Variants in BCAR3 observed in about 807,000 individuals in gnomAD.
BCAR3 encodes the protein breast cancer anti-estrogen resistance protein 3.
BCAR3 carries 37 observed loss-of-function variants against 80.1 expected under a neutral mutation model. The ratio of observed to expected loss-of-function variants is 0.46; its 90% CI spans 0.36 to 0.61. The LOEUF (loss-of-function observed/expected upper bound fraction) is 0.61, where lower values mean the gene tolerates loss of function less well. BCAR3 is among the 20% of genes least tolerant of loss of function. The pLI is 0.00. For synonymous variants in BCAR3, 389 were observed against 418.9 expected (o/e 0.93, Z 0.87); for missense variants, 978 against 1,068.2 (o/e 0.92, Z 1.18).
chr1:93,701,915 G>C (rs1431984208), intron 3 of BCAR3, among the ~76,000 whole-genome samples: 1 of 152,158 alleles, frequency 6.6e-6, no homozygotes. Flanking sequence ...GGTGGGACTG[G>C]GCTGTGCTCC....
At position 93,674,838 on chromosome 1, in the gene BCAR3, C is replaced by CCTG; in HGVS notation, c.90_92dup (p.Ser30dup). The CCTG allele has an allele frequency of 1.9e-6, 3 of 1,603,418 alleles. No individual in the cohort carries two copies. The highest frequency in any genetic ancestry group is 1.7e-6 in the Non-Finnish European group (2 of 1,175,930). On this transcript the variant is annotated inframe_insertion, in exon 2 of 12. Transcript: ENST00000260502. ...CTGGGCGATGCTCAGCGAGAGGGGA[C>CCTG]CTGCTGCTCAGAAGGTCCATGGATG...
At chr1:93,785,875 G>A (rs12126015) in intron 2 of BCAR3, among the ~76,000 whole-genome samples, 14,002 of 150,710 alleles carry the variant, frequency 0.093, 905 homozygotes, top group East Asian at 0.18. Context: ...GAAATTATAC[G>A]ATGTGACTTC....
At chr1:93,806,123 T>C (rs570652393) in intron 2 of BCAR3, among the ~76,000 whole-genome samples, 60 of 152,120 alleles carry the variant, frequency 3.9e-4, no homozygotes, top group African/African-American at 1.4e-3. Flanking sequence ...AAGAGAAAAA[T>C]GTTAAAACAA....
rs116275066 is a variant in BCAR3 at position 93,742,364 on chromosome 1, G to A, written c.-62-36222C>T. ...GTCTTTATAGTCTTAGGAAGAAAGT[G>A]GAAAACTACAGTTCAAAGTTTAAAG... On this transcript the variant is annotated intron_variant, in intron 2 of 13. Coordinates refer to the BCAR3 transcript ENST00000370244. Among the ~76,000 whole-genome samples the A allele has an allele frequency of 3.3e-3, 507 of 152,268 alleles. 4 individuals carry two copies. The highest frequency in any genetic ancestry group is 0.011 in the African/African-American group (477 of 41,542).
chr1:93,752,038 T>C (rs1651573781), intron 2 of BCAR3, among the ~76,000 whole-genome samples: 1 of 152,250 alleles, frequency 6.6e-6, no homozygotes, highest in Non-Finnish European at 1.5e-5. Flanking sequence ...ATTTATTCCC[T>C]GGGCAGTACC....
chr1:93,582,971 AG>A lies in BCAR3; in HGVS notation c.1034-19del, dbSNP rs1248081364. The A allele has an allele frequency of 6.4e-7, 1 of 1,564,460 alleles. No individual in the cohort carries two copies. The highest frequency in any genetic ancestry group is 8.6e-7 in the Non-Finnish European group (1 of 1,160,288). On this transcript the variant is annotated intron_variant, in intron 6 of 11. Coordinates refer to ENST00000260502, the MANE Select transcript of BCAR3 (RefSeq NM_003567.4). ...CTTGCAGCCTGTGGGGGATAAGAAA[AG>A]GTCAGAGAAAGCTCATCTGTGTGGA...
At chr1:93,802,798 A>C (rs1653529030) in intron 2 of BCAR3, among the ~76,000 whole-genome samples, 1 of 152,198 alleles carries the variant, frequency 6.6e-6, no homozygotes, top group Admixed American at 6.5e-5. Context: ...GAATGGAAGC[A>C]ATTTTATCAT....
chr1:93,817,912 C>A (rs1339765521), intron 2 of BCAR3, among the ~76,000 whole-genome samples: 1 of 152,172 alleles, frequency 6.6e-6, no homozygotes, highest in African/African-American at 2.4e-5. Flanking sequence ...ACCTCCTCAG[C>A]CCTCTTGGCT....
At chr1:93,749,545 C>T (rs1651472910) in intron 2 of BCAR3, among the ~76,000 whole-genome samples, 1 of 148,080 alleles carries the variant, frequency 6.8e-6, no homozygotes, top group Admixed American at 6.7e-5. Flanking sequence ...GCTGAGATCG[C>T]ACCACTGCAC....
chr1:93,621,048 C>G (rs911733750), intron 3 of BCAR3, among the ~76,000 whole-genome samples: 2 of 152,216 alleles, frequency 1.3e-5, no homozygotes, highest in African/African-American at 4.8e-5. Context: ...CCTAGGAAGG[C>G]AGGAACCCAG....
chr1:93,724,837 T>C (rs1650526106), intron 2 of BCAR3, among the ~76,000 whole-genome samples: 1 of 152,184 alleles, frequency 6.6e-6, no homozygotes, highest in Non-Finnish European at 1.5e-5. Context: ...CAAGGGTTTC[T>C]CTCCACTTCC....
chr1:93,595,447 C>T (rs1460962291), intron 3 of BCAR3, among the ~76,000 whole-genome samples: 1 of 152,214 alleles, frequency 6.6e-6, no homozygotes, highest in Non-Finnish European at 1.5e-5. Context: ...AGGTTTGCTG[C>T]TGGGAGCCTC....
At chr1:93,737,326 G>GT (rs1651006806) in intron 2 of BCAR3, among the ~76,000 whole-genome samples, 1 of 152,174 alleles carries the variant, frequency 6.6e-6, no homozygotes. Flanking sequence ...GGTGTAATTA[G>GT]TTACGATGAG....
chr1:93,609,150 C>T (rs1474672046), intron 3 of BCAR3, among the ~76,000 whole-genome samples: 1 of 152,164 alleles, frequency 6.6e-6, no homozygotes, highest in Non-Finnish European at 1.5e-5. Flanking sequence ...ACTCCTCAGG[C>T]TGTAATATGG....
intron 2 of BCAR3, among the ~76,000 whole-genome samples, chr1:93,660,308 G>C (rs1263512618): frequency 6.6e-6 from 1 of 152,198 alleles, no homozygotes; most frequent in African/African-American, 2.4e-5. Flanking sequence ...CCAGAGCAGC[G>C]CCTGGCTCCC....
At chr1:93,790,628 G>GAATTCATTCTTTTTTTTTTTTTT (rs1653112324) in intron 2 of BCAR3, among the ~76,000 whole-genome samples, 1 of 79,220 alleles carries the variant, frequency 1.3e-5, no homozygotes, top group Non-Finnish European at 2.4e-5. Context: ...TTTTTTTTTT[G>GAATTCATTCTTTTTTTTTTTTTT]TATTCATTTT....
chr1:93,616,971 A>G (rs1412702791), intron 3 of BCAR3, among the ~76,000 whole-genome samples: 1 of 152,220 alleles, frequency 6.6e-6, no homozygotes, highest in African/African-American at 2.4e-5. Flanking sequence ...GGAAACCTCT[A>G]TTACCTCAGG....
chr1:93,635,771 T>C (rs1307585079), intron 3 of BCAR3, among the ~76,000 whole-genome samples: 3 of 152,250 alleles, frequency 2.0e-5, no homozygotes, highest in Non-Finnish European at 2.9e-5. Flanking sequence ...ATTTGGTTCA[T>C]ATAACTTGTT....
At position 93,674,922 on chromosome 1, in the gene BCAR3, T is replaced by G. The variant is rs920736982; in HGVS notation, c.9A>C (p.Ala3=). Residue 3 remains alanine, a synonymous_variant, in exon 2 of 12, where the codon GCA becomes GCC. Coordinates refer to ENST00000260502, the MANE Select transcript of BCAR3 (RefSeq NM_003567.4). ...TTCTGGGAAGGCTTGCAAATTTTCC[T>G]GCAGCCATAATTCTCAACTCTAAGG... The part of the protein sequence containing the change: MA[A]GKFASLPRNM... 4.5e-6 allele frequency: 7 copies of G among 1,555,020 alleles called. No homozygotes were observed. The highest frequency in any genetic ancestry group is 1.7e-4 in the Middle Eastern group (1 of 5,782).
Sources: allele counts gnomAD v4.1 joint callset (sites outside exome capture counted in the v4.1 genomes callset), GRCh38; gene constraint gnomAD v4.1.1; transcripts MANE v1.5; gene names NCBI Gene and HGNC (gene_info 2026-07-23, HGNC 2026-07-21).